The following ROBO1 variants were observed in gnomAD, a reference collection of about 807,000 sequenced individuals.
ROBO1 encodes roundabout guidance receptor 1, also known as roundabout homolog 1.
Under a neutral mutation model 195.9 loss-of-function variants are expected in ROBO1, and 149 were observed. That is an observed-to-expected ratio of 0.76 (90% CI 0.67 to 0.87). The LOEUF is 0.87. Ranked by LOEUF, ROBO1 falls within the 40% of genes least tolerant of loss-of-function variation. The pLI, the probability that ROBO1 is intolerant of heterozygous loss-of-function variation, is 0.00. For missense variants in ROBO1, 1,933 were observed against 2,068.3 expected (o/e 0.93, Z 1.27); for synonymous variants, 816 against 733.2 (o/e 1.11, Z -1.82).
chr3:79,323,122 C>T (rs2034058232), intron 2 of ROBO1, among the ~76,000 whole-genome samples: 1 of 151,260 alleles, frequency 6.6e-6, no homozygotes, highest in Non-Finnish European at 1.5e-5. Context: ...CACTCTGTCA[C>T]CCAGGCTGGA....
intron 1 of ROBO1, among the ~76,000 whole-genome samples, chr3:79,637,409 G>T: frequency 6.7e-6 from 1 of 148,790 alleles, no homozygotes; most frequent in Non-Finnish European, 1.5e-5. Context: ...ATTAAAATGT[G>T]ACCCTCCTTC....
chr3:78,847,706 T>G (rs1006746034), intron 4 of ROBO1, among the ~76,000 whole-genome samples: 16 of 152,298 alleles, frequency 1.1e-4, no homozygotes, highest in African/African-American at 3.8e-4. Flanking sequence ...ATTACGATTA[T>G]TTTAAAGATA....
At chr3:79,281,720 G>A (rs1163020585) in intron 2 of ROBO1, among the ~76,000 whole-genome samples, 1 of 152,084 alleles carries the variant, frequency 6.6e-6, no homozygotes, top group African/African-American at 2.4e-5. Context: ...CCACAGTTGA[G>A]AAGAAAGTTA....
intron 2 of ROBO1, among the ~76,000 whole-genome samples, chr3:79,505,993 A>G (rs1940370565): frequency 6.6e-6 from 1 of 152,204 alleles, no homozygotes; most frequent in Admixed American, 6.5e-5. Flanking sequence ...TAACTGAAGT[A>G]AACCAAAATA....
chr3:79,378,863 T>C (rs956293126), intron 2 of ROBO1, among the ~76,000 whole-genome samples: 1 of 152,156 alleles, frequency 6.6e-6, no homozygotes, highest in Non-Finnish European at 1.5e-5. Context: ...AGGCTGAGCA[T>C]CAGTTTCAGC....
In ROBO1 at chr3:78,842,489, A is replaced by G. The variant is rs62257507; in HGVS notation, c.500-95589T>C. 6.9e-3 allele frequency among the ~76,000 whole-genome samples: 248 copies of G among 36,118 alleles called. 44 individuals are homozygous for G. The highest frequency in any genetic ancestry group is 0.017 in the African/African-American group (152 of 8,774). The allele number at this position is 36,118 out of a possible 152,430, so 23.7% of individuals were successfully genotyped here. On this transcript the variant is annotated intron_variant, in intron 4 of 30. Transcript: ENST00000464233. ...ATATGAGCCATATATATTTTTATAT[A>G]TATGAGCCATATATATTTTTATATA...
chr3:78,977,504 T>C (rs1016266671), intron 3 of ROBO1, among the ~76,000 whole-genome samples: 7 of 151,910 alleles, frequency 4.6e-5, no homozygotes, highest in African/African-American at 2.4e-5. Context: ...AACAGCAATG[T>C]AACCTCCTTA....
chr3:78,885,681 C>T (rs1018994195), intron 4 of ROBO1, among the ~76,000 whole-genome samples: 5 of 150,706 alleles, frequency 3.3e-5, no homozygotes, highest in Non-Finnish European at 7.4e-5. Context: ...ACTATTATTA[C>T]CCTCACTGTA....
intron 2 of ROBO1, among the ~76,000 whole-genome samples, chr3:79,322,007 T>C (rs2109132427): frequency 6.6e-6 from 1 of 152,278 alleles, no homozygotes; most frequent in South Asian, 2.1e-4. Flanking sequence ...GCACTTCCAT[T>C]TTTAAAAGGT....
chr3:79,541,308 C>G (rs1286870776), intron 2 of ROBO1, among the ~76,000 whole-genome samples: 1 of 152,046 alleles, frequency 6.6e-6, no homozygotes, highest in East Asian at 1.9e-4. Flanking sequence ...ATTCATGCCA[C>G]TGATTTGACG....
At position 78,659,728 on chromosome 3, in the gene ROBO1, T is replaced by C. The variant is rs1456816996; in HGVS notation, c.2400A>G (p.Pro800=). The change falls in exon 17 of 31, where the codon CCA becomes CCG. Residue 800 remains proline, a synonymous_variant. Coordinates refer to ENST00000464233, the MANE Select transcript of ROBO1 (RefSeq NM_002941.4). ...NGTAILVSWQ[P]PPEDTQNGMV... is the part of the protein sequence containing the mutation. Reference sequence around the variant, plus strand: ...TTCCATTTTGAGTGTCTTCTGGAGGTGGCTGCCAACTAACTAGAATTGCAG... The same window carrying C: ...TTCCATTTTGAGTGTCTTCTGGAGGCGGCTGCCAACTAACTAGAATTGCAG... 2 of 1,573,414 alleles carry C rather than the reference T, an allele frequency of 1.3e-6. No individual in the cohort carries two copies. Among genetic ancestry groups the C allele is most frequent in the Admixed American group, 1.9e-5 (1 of 53,938 alleles).
chr3:78,687,421 G>C (rs1340595866), intron 9 of ROBO1, among the ~76,000 whole-genome samples: 1 of 152,264 alleles, frequency 6.6e-6, no homozygotes, highest in East Asian at 1.9e-4. Flanking sequence ...TAAAGTGAAA[G>C]AAAAGGTGAA....
chr3:79,245,740 G>A (rs2082613730), intron 2 of ROBO1, among the ~76,000 whole-genome samples: 1 of 151,926 alleles, frequency 6.6e-6, no homozygotes, highest in Non-Finnish European at 1.5e-5. Flanking sequence ...TGGAGACCTT[G>A]GGGGAAATGC....
chr3:78,710,445 G>C (rs773066804), intron 8 of ROBO1, among the ~76,000 whole-genome samples: 1 of 152,114 alleles, frequency 6.6e-6, no homozygotes, highest in Non-Finnish European at 1.5e-5. Context: ...CACTGATCTA[G>C]AATTATCTAA....
At chr3:78,991,515 CAGCAAAA>C in intron 3 of ROBO1, among the ~76,000 whole-genome samples, 1 of 152,322 alleles carries the variant, frequency 6.6e-6, no homozygotes, top group East Asian at 1.9e-4. Flanking sequence ...CATTTACCTC[CAGCAAAA>C]ATAGCTGACC....
intron 2 of ROBO1, among the ~76,000 whole-genome samples, chr3:79,499,161 A>G (rs2107490299): frequency 6.6e-6 from 1 of 152,094 alleles, no homozygotes; most frequent in Non-Finnish European, 1.5e-5. Context: ...CGCTCAGCTA[A>G]TTTTTGAATT....
At chr3:78,746,609 A>T in intron 5 of ROBO1, 134 bp downstream of exon 5, 1 of 655,866 alleles carries the variant, frequency 1.5e-6, no homozygotes, top group Non-Finnish European at 2.3e-6. Context: ...ATATTTTTTA[A>T]AAGAAAAGCT....
chr3:78,746,748 T>C lies in ROBO1; in HGVS notation c.652A>G (p.Ile218Val). The change falls in exon 5 of 31, where the codon ATA becomes GTA. Residue 218 changes from isoleucine (I) to valine (V), a missense_variant. Physicochemically the swap from Ile to Val is conservative, Grantham distance 29 (BLOSUM62 3). This residue lies in a region of ROBO1 where 1,737 missense variants were observed against 1,882.5 expected (regional missense o/e 0.92). Transcript: ENST00000464233. Reference sequence around the variant, plus strand: ...CTGTTGAATTAAATACTCACAGTTATTCTTTCATCTTTATCATCCAGTGGA... The same window carrying C: ...CTGTTGAATTAAATACTCACAGTTACTCTTTCATCTTTATCATCCAGTGGA... ...GSPLDDKDERITIRGGKLMIT... is the reference protein window; with the variant it reads ...GSPLDDKDERVTIRGGKLMIT... The C allele has an allele frequency of 6.6e-7, 1 of 1,517,984 alleles. No individual in the cohort carries two copies. Among genetic ancestry groups the C allele is most frequent in the East Asian group, 2.3e-5 (1 of 42,716 alleles). The allele number at this position is 1,517,984 out of a possible 1,614,324, so 94.0% of individuals were successfully genotyped here.
chr3:78,710,289 T>C (rs1190383836), intron 8 of ROBO1, among the ~76,000 whole-genome samples: 3 of 152,108 alleles, frequency 2.0e-5, no homozygotes, highest in African/African-American at 7.2e-5. Context: ...GCCACAAGCA[T>C]TCCTCCTGCC....
Sources: gnomAD v4.1 joint callset for allele counts (sites outside exome capture counted in the v4.1 genomes callset) on GRCh38, gnomAD v4.1.1 for gene constraint, gnomAD v4.1.1 regional missense constraint, MANE v1.5 for transcripts, NCBI Gene and HGNC (gene_info 2026-07-23, HGNC 2026-07-21) for gene names.